NCBP1: variants seen among roughly 807,000 people sequenced by gnomAD.
NCBP1 encodes the protein nuclear cap-binding protein subunit 1.
Under a neutral mutation model 111.7 loss-of-function variants are expected in NCBP1, and 16 were observed. That is an observed-to-expected ratio of 0.14 (90% CI 0.10 to 0.22). NCBP1 has a LOEUF of 0.22. NCBP1 is among the 10% of genes least tolerant of loss of function. NCBP1 has a pLI of 1.00. For missense variants in NCBP1, 607 were observed against 957.5 expected (o/e 0.63, Z 4.83); for synonymous variants, 304 against 314.3 (o/e 0.97, Z 0.35).
intron 10 of NCBP1, among the ~76,000 whole-genome samples, 197 bp from the exon 11 acceptor site, chr9:97,653,601 G>A (rs1327896992): frequency 2.0e-5 from 3 of 152,130 alleles, no homozygotes; most frequent in Non-Finnish European, 4.4e-5. Flanking sequence ...TCGAATTATA[G>A]AGAGAAGAAA....
At chr9:97,667,670 C>CT (rs1251132068) in intron 20 of NCBP1, among the ~76,000 whole-genome samples, 11 of 152,178 alleles carry the variant, frequency 7.2e-5, no homozygotes, top group African/African-American at 2.7e-4. Context: ...ACTCCAGAGA[C>CT]TTTTCTCTCA....
At chr9:97,645,789 G>T in intron 6 of NCBP1, 57 bp downstream of exon 6, 1 of 1,573,764 alleles carries the variant, frequency 6.4e-7, no homozygotes, top group South Asian at 1.1e-5. Flanking sequence ...TCTTATATCA[G>T]TGATACCATT....
At chr9:97,635,889 T>C (rs1234913026) in intron 1 of NCBP1, 1 of 152,168 alleles carries the variant, frequency 6.6e-6, no homozygotes, top group East Asian at 1.9e-4. Flanking sequence ...GAAATGTCAT[T>C]GTAGGGCATC....
At chr9:97,643,424 C>T in intron 4 of NCBP1, 64 bp downstream of exon 4, 5 of 1,406,314 alleles carry the variant, frequency 3.6e-6, no homozygotes, top group Non-Finnish European at 4.7e-6. Flanking sequence ...AGGTGAACTA[C>T]AACCAAATAA....
In NCBP1 at chr9:97,651,518, C is replaced by G. The variant is rs2131344508; in HGVS notation, c.1059+145C>G. 6.5e-6 allele frequency: 5 copies of G among 765,818 alleles called. No homozygotes were observed. In the East Asian group the frequency reaches 1.5e-4, roughly 23 times the overall value. The allele number at this position is 765,818 out of a possible 1,614,324, so 47.4% of individuals were successfully genotyped here. On this transcript the variant is annotated intron_variant, in intron 10 of 22. Transcript: ENST00000375147. ...AGAATTAATAGAAGCAAGGAAATTG[C>G]TGTCGGTTTTGGTGCTCTATTAGCC... is the stretch of plus-strand genomic sequence containing the variant.
chr9:97,650,145 T>C (rs1466774596), intron 8 of NCBP1, among the ~76,000 whole-genome samples: 1 of 152,186 alleles, frequency 6.6e-6, no homozygotes, highest in Non-Finnish European at 1.5e-5. Flanking sequence ...TTGAATAGAA[T>C]TTTCTCTCTG....
chr9:97,667,243 C>G (rs1011574969), intron 20 of NCBP1, among the ~76,000 whole-genome samples: 2 of 152,142 alleles, frequency 1.3e-5, no homozygotes, highest in African/African-American at 4.8e-5. Flanking sequence ...TTAACACTTT[C>G]CCCGTACTGT....
At chr9:97,644,035 G>T (rs1827270241) in intron 4 of NCBP1, among the ~76,000 whole-genome samples, 1 of 152,084 alleles carries the variant, frequency 6.6e-6, no homozygotes, top group Non-Finnish European at 1.5e-5. Context: ...TGATTCCTTG[G>T]GTTTCAGGAA....
At chr9:97,636,259 T>C (rs2131327941) in intron 1 of NCBP1, among the ~76,000 whole-genome samples, 1 of 152,114 alleles carries the variant, frequency 6.6e-6, no homozygotes, top group Non-Finnish European at 1.5e-5. Context: ...TAGTTAAAAA[T>C]CTATTTTTTA....
intron 15 of NCBP1, 55 bp from the exon 16 acceptor site, chr9:97,660,891 A>T: frequency 6.5e-7 from 1 of 1,539,760 alleles, no homozygotes; most frequent in South Asian, 1.2e-5. Flanking sequence ...ACTGTTCATT[A>T]GAATAGTCTT....
rs35694910 is a variant in NCBP1 at position 97,666,830 on chromosome 9, A to C, written c.1969A>C (p.Lys657Gln). ...GAACAAACATGTCCTGAAGATCCAG[A>C]AAGAGCTGGAAGAAGCTAAAGAGAA... is the stretch of plus-strand genomic sequence containing the variant. ...KMNKHVLKIQ[K>Q]ELEEAKEKLA... The change falls in exon 20 of 23, where the codon AAA becomes CAA. Residue 657 changes from lysine (K) to glutamine (Q), a missense_variant. By Grantham distance (53) the Lys-to-Gln change is moderately conservative. Around this residue, in one of 9 missense-constraint regions of NCBP1, gnomAD observed 282 missense variants for 376.5 expected, o/e 0.75. Transcript: ENST00000375147. The C allele has an allele frequency of 8.4e-5, 136 of 1,610,868 alleles. No individual in the cohort carries two copies. The African/African-American group carries it at 1.6e-3, about 19-fold the overall frequency.
intron 1 of NCBP1, among the ~76,000 whole-genome samples, chr9:97,636,262 A>G (rs199752319): frequency 9.9e-5 from 15 of 152,140 alleles, no homozygotes; most frequent in South Asian, 6.2e-4. Context: ...TTAAAAATCT[A>G]TTTTTTAAAA....
chr9:97,654,384 T>C (rs970830241), intron 11 of NCBP1, among the ~76,000 whole-genome samples: 4 of 152,204 alleles, frequency 2.6e-5, no homozygotes, highest in African/African-American at 9.6e-5. Flanking sequence ...TGCTCATACA[T>C]AGAAAGCATC....
chr9:97,649,289 A>G (rs1040593367), intron 8 of NCBP1, among the ~76,000 whole-genome samples: 8 of 152,076 alleles, frequency 5.3e-5, no homozygotes, highest in Non-Finnish European at 8.8e-5. Flanking sequence ...TGTGGGTACT[A>G]TCCTGTGTAT....
intron 1 of NCBP1, chr9:97,634,494 G>A (rs1290155942): frequency 6.6e-6 from 1 of 152,322 alleles, no homozygotes; most frequent in Non-Finnish European, 1.5e-5. Flanking sequence ...CTGGCCGTAA[G>A]CGCATTTCCC....
intron 1 of NCBP1, among the ~76,000 whole-genome samples, chr9:97,635,032 GA>G (rs996977152): frequency 6.6e-6 from 1 of 152,098 alleles, no homozygotes; most frequent in African/African-American, 2.4e-5. Flanking sequence ...GTCAATGTAA[GA>G]AAAAAACCCA....
chr9:97,645,226 T>C lies in NCBP1; in HGVS notation c.489+2T>C. 6.2e-7 allele frequency: 1 copy of C among 1,600,974 alleles called. No individual in the cohort carries two copies. The highest frequency in any genetic ancestry group is 8.6e-7 in the Non-Finnish European group (1 of 1,168,390). On this transcript the variant is annotated splice_donor_variant, in intron 5 of 22. Transcript: ENST00000375147. LOFTEE classifies it high-confidence loss of function. ...ACTCAGGAAGAAGATGTACCTCAGG[T>C]AAGAGAACCCCTCATGCTGAATCTT...
At chr9:97,664,233 A>G (rs1222786239) in intron 18 of NCBP1, 107 bp from the exon 19 acceptor site, 1 of 650,142 alleles carries the variant, frequency 1.5e-6, no homozygotes, top group African/African-American at 1.8e-5. Context: ...CACCAAAACT[A>G]AATTTTATAG....
At chr9:97,636,479 TTA>T (rs1827029761) in intron 1 of NCBP1, among the ~76,000 whole-genome samples, 3 of 145,104 alleles carry the variant, frequency 2.1e-5, no homozygotes, top group Non-Finnish European at 3.0e-5. Flanking sequence ...TTATATATAT[TTA>T]TATATTATAT....
Sources: gnomAD v4.1 joint callset for allele counts (sites outside exome capture counted in the v4.1 genomes callset) on GRCh38, gnomAD v4.1.1 for gene constraint, gnomAD v4.1.1 regional missense constraint, MANE v1.5 for transcripts, NCBI Gene and HGNC (gene_info 2026-07-23, HGNC 2026-07-21) for gene names.